Variants in MYBPC1 observed in about 807,000 individuals in gnomAD.
MYBPC1 encodes myosin binding protein C1, also known as myosin-binding protein C, slow-type.
Under a neutral mutation model 147.1 loss-of-function variants are expected in MYBPC1, and 52 were observed. The ratio of observed to expected loss-of-function variants is 0.35; its 90% CI spans 0.28 to 0.45. The LOEUF (loss-of-function observed/expected upper bound fraction) is 0.45. Ranked by LOEUF, MYBPC1 falls within the 20% of genes least tolerant of loss-of-function variation. The pLI is 1.00. For synonymous variants in MYBPC1, 477 were observed against 475.9 expected, an observed-to-expected ratio of 1.00 and a Z score of -0.03; for missense variants, 1,228 against 1,440.3, an observed-to-expected ratio of 0.85 and a Z score of 2.39.
chr12:101,627,787 T>G lies in MYBPC1; in HGVS notation c.161T>G (p.Leu54Arg). The G allele has an allele frequency of 6.2e-7, 1 of 1,612,576 alleles. No individual in the cohort carries two copies. The highest frequency in any genetic ancestry group is 1.3e-5 in the African/African-American group (1 of 74,968). The change falls in exon 5 of 32, where the codon CTG becomes CGG. Residue 54 changes from leucine (L) to arginine (R), a missense_variant. Physicochemically the swap from Leu to Arg is moderately radical, Grantham distance 102. Around this residue, in one of 2 missense-constraint regions of MYBPC1, gnomAD observed 151 missense variants for 126.1 expected, o/e 1.20. Transcript: ENST00000361466. The stretch of plus-strand genomic sequence containing the variant: ...CTTTCAGGTTTGGGTAGTCGGGCCC[T>G]GGAGAGAAAAGATTCAGGTGAGCGC... Reference protein sequence around the residue: ...ALPPGLGSRALERKDSDWTLV... With the variant: ...ALPPGLGSRARERKDSDWTLV...
intron 25 of MYBPC1, 63 bp from the exon 26 acceptor site, chr12:101,675,229 G>T (rs2136751203): frequency 6.2e-7 from 1 of 1,601,946 alleles, no homozygotes; most frequent in East Asian, 2.2e-5. Context: ...ATATCCTCAT[G>T]AAACAAAATG....
chr12:101,651,161 G>C, intron 15 of MYBPC1, 70 bp from the exon 16 acceptor site: 3 of 1,552,322 alleles, frequency 1.9e-6, no homozygotes, highest in Non-Finnish European at 2.7e-6. Context: ...CTATACCATT[G>C]TGAAATGCCA....
intron 18 of MYBPC1, among the ~76,000 whole-genome samples, chr12:101,653,832 G>A (rs1244208730): frequency 6.6e-6 from 1 of 152,138 alleles, no homozygotes; most frequent in East Asian, 1.9e-4. Context: ...GGGTGAAATG[G>A]TAGAGTAGTG....
At chr12:101,660,804 CAA>C (rs915026850) in intron 19 of MYBPC1, among the ~76,000 whole-genome samples, 4 of 152,198 alleles carry the variant, frequency 2.6e-5, no homozygotes, top group South Asian at 2.1e-4. Flanking sequence ...TGGCAGCAGA[CAA>C]GAGAGAGAGA....
intron 10 of MYBPC1, chr12:101,636,993 A>G: frequency 2.2e-6 from 1 of 458,558 alleles, no homozygotes; most frequent in Non-Finnish European, 4.0e-6. Flanking sequence ...GGACGAAGAG[A>G]TATGAAAACT....
Position 101,673,321 on chromosome 12 carries a change from C to T in MYBPC1, c.2614-106C>T, listed in dbSNP as rs534259193. On this transcript the variant is annotated intron_variant, in intron 24 of 31. Coordinates refer to ENST00000361466, the MANE Select transcript of MYBPC1 (RefSeq NM_002465.4). The stretch of plus-strand genomic sequence containing the variant: ...ACCAGACTAGAAGGGTGGTATTTTC[C>T]AGCCCTGCCTAGAATGGGTTAAGCC... The T allele has an allele frequency of 4.7e-5, 55 of 1,173,516 alleles. No individual in the cohort carries two copies. In the South Asian group the frequency reaches 6.9e-4, roughly 15 times the overall value. The allele number at this position is 1,173,516 out of a possible 1,614,324, so 72.7% of individuals were successfully genotyped here. A position where few individuals can be genotyped will look rare whatever the true frequency, so the allele number is the denominator to read the frequency against.
intron 12 of MYBPC1, 89 bp downstream of exon 12, chr12:101,644,885 T>A (rs1892745280): frequency 7.9e-7 from 1 of 1,271,012 alleles, no homozygotes. Flanking sequence ...TAAAAGGATA[T>A]TTATATTTTC....
At chr12:101,695,770 G>A in the MYBPC1 span, among the ~76,000 whole-genome samples, 17 of 152,228 alleles carry the variant, frequency 1.1e-4, no homozygotes, top group African/African-American at 3.4e-4. Flanking sequence ...TGGAAACATC[G>A]TACCAGTCTT....
At chr12:101,618,854 CGT>C (rs35811344) in intron 3 of MYBPC1, among the ~76,000 whole-genome samples, 15,396 of 136,620 alleles carry the variant, frequency 0.11, 793 homozygotes, top group Middle Eastern at 0.14. Flanking sequence ...CAAAAACTGC[CGT>C]GTGTGTGTGT....
chr12:101,620,103 T>C (rs998319299), intron 3 of MYBPC1, among the ~76,000 whole-genome samples: 6 of 152,314 alleles, frequency 3.9e-5, no homozygotes, highest in Non-Finnish European at 8.8e-5. Flanking sequence ...TCCTTAATAC[T>C]GACCACTTTG....
At chr12:101,668,380 C>T (rs1030828073) in intron 23 of MYBPC1, among the ~76,000 whole-genome samples, 6 of 152,108 alleles carry the variant, frequency 3.9e-5, no homozygotes. Flanking sequence ...GTCAGTGCCA[C>T]GGAGCCATAC....
intron 3 of MYBPC1, among the ~76,000 whole-genome samples, chr12:101,621,386 A>G (rs1433754494): frequency 6.6e-6 from 1 of 152,246 alleles, no homozygotes; most frequent in Admixed American, 6.5e-5. Flanking sequence ...TTTTATAAGC[A>G]TCAAAGTGTG....
In MYBPC1 at chr12:101,675,348, G is replaced by C. The variant is rs200048048; in HGVS notation, c.2866G>C (p.Ala956Pro). 1 of 1,614,036 alleles carries C rather than the reference G, an allele frequency of 6.2e-7. No homozygotes were observed. Among genetic ancestry groups the C allele is most frequent in the Non-Finnish European group, 8.5e-7 (1 of 1,179,950 alleles). ...TGAGGATGTCTGGGGAGAAAATGTC[G>C]CTCTCACATGGACTCCACCAAAGGA... ...KIEDVWGENV[A>P]LTWTPPKDDG... Residue 956 changes from alanine to proline, a missense_variant, in exon 26 of 32, where the codon GCT becomes CCT. Transcript: ENST00000361466.
At chr12:101,650,922 G>A (rs1224665764) in intron 15 of MYBPC1, 2 of 393,286 alleles carry the variant, frequency 5.1e-6, no homozygotes, top group African/African-American at 2.1e-5. Context: ...AAATGGGTGT[G>A]GCTTATATCA....
intron 12 of MYBPC1, among the ~76,000 whole-genome samples, chr12:101,646,387 C>G (rs1341007144): frequency 2.6e-5 from 4 of 152,112 alleles, no homozygotes. Flanking sequence ...TGGCTCACGC[C>G]TGTAATCCCA....
rs764795141 is a variant in MYBPC1 at position 101,659,788 on chromosome 12, C to T, written c.1884C>T (p.Asn628=). 16 of 1,614,110 alleles carry T rather than the reference C, an allele frequency of 9.9e-6. No homozygotes were observed. The highest frequency in any genetic ancestry group is 2.2e-5 in the East Asian group (1 of 44,874). ...GTGTTTACCACATCAATCTGAAAAA[C>T]GAAGCTGGAGAGGCACATGCAAGCA... The part of the protein sequence containing the change: ...DSGVYHINLK[N]EAGEAHASIK... The change falls in exon 19 of 32, where the codon AAC becomes AAT. Residue 628 remains asparagine (N), a synonymous_variant. Coordinates refer to ENST00000361466, the MANE Select transcript of MYBPC1 (RefSeq NM_002465.4).
chr12:101,630,131 G>A (rs1889584685), intron 6 of MYBPC1, among the ~76,000 whole-genome samples: 1 of 152,056 alleles, frequency 6.6e-6, no homozygotes, highest in Admixed American at 6.6e-5. Flanking sequence ...CATATTAATG[G>A]GATCAGACAA....
intron 1 of MYBPC1, among the ~76,000 whole-genome samples, chr12:101,612,925 T>C (rs912657814): frequency 3.9e-5 from 6 of 152,216 alleles, no homozygotes; most frequent in African/African-American, 1.4e-4. Flanking sequence ...AACAAAAACA[T>C]TTCTGACAAT....
intron 25 of MYBPC1, among the ~76,000 whole-genome samples, chr12:101,674,862 C>CAAAAAAAAAAAAAAAAAAAAAAAAA (rs62824364): frequency 1.2e-4 from 7 of 59,840 alleles, no homozygotes; most frequent in African/African-American, 4.9e-4. Flanking sequence ...ACTCTGTCTC[C>CAAAAAAAAAAAAAAAAAAAAAAAAA]AAAAAAAAAA....
Sources: allele counts gnomAD v4.1 joint callset (sites outside exome capture counted in the v4.1 genomes callset), GRCh38; gene constraint gnomAD v4.1.1; regional missense constraint gnomAD v4.1.1; transcripts MANE v1.5; gene names NCBI Gene and HGNC (gene_info 2026-07-23, HGNC 2026-07-21).